Variants in MSL2 observed in about 807,000 individuals in gnomAD.
MSL2 encodes MSL complex subunit 2.
MSL2 carries 2 observed loss-of-function variants against 35.8 expected under a neutral mutation model. The observed-to-expected ratio is 0.06, with a 90% CI of 0.02 to 0.18. The LOEUF is 0.18. MSL2 is among the 10% of genes least tolerant of loss of function. MSL2 has a pLI of 1.00. For synonymous variants in MSL2, 296 were observed against 255.7 expected (o/e 1.16, Z -1.50); for missense variants, 523 against 706.7 (o/e 0.74, Z 2.95).
chr3:136,183,085 T>C (rs1344042351), intron 1 of MSL2, among the ~76,000 whole-genome samples: 2 of 151,916 alleles, frequency 1.3e-5, no homozygotes, highest in African/African-American at 4.8e-5. Flanking sequence ...ATATTTGTAG[T>C]ACAAAAATAT....
chr3:136,177,722 A>G (rs1265096996), intron 1 of MSL2, among the ~76,000 whole-genome samples: 2 of 150,194 alleles, frequency 1.3e-5, no homozygotes, highest in Admixed American at 1.3e-4. Flanking sequence ...AAAGTGTAAT[A>G]TTTTGACCAC....
At chr3:136,180,757 G>A (rs1391137317) in intron 1 of MSL2, among the ~76,000 whole-genome samples, 2 of 81,170 alleles carry the variant, frequency 2.5e-5, no homozygotes, top group African/African-American at 9.6e-5. Context: ...AGGGAAGGAG[G>A]GAAGGAGGGA....
At position 136,195,831 on chromosome 3, in the gene MSL2, G is replaced by A; in HGVS notation, c.-718C>T. On this transcript the variant is annotated 5_prime_UTR_variant, in exon 1 of 2. Coordinates refer to ENST00000309993, the MANE Select transcript of MSL2 (RefSeq NM_018133.4). Reference sequence around the variant, plus strand: ...GGGAGTCCTCAACCCGGAGGGGAAGGCCGGGGAGGAAGTGCGCGGGCCGCC... The same window carrying A: ...GGGAGTCCTCAACCCGGAGGGGAAGACCGGGGAGGAAGTGCGCGGGCCGCC... 1.0e-6 allele frequency: 1 copy of A among 984,742 alleles called. No individual in the cohort carries two copies. The highest frequency in any genetic ancestry group is 1.2e-6 in the Non-Finnish European group (1 of 829,668). 61.0% of individuals were successfully genotyped at this position (984,742 alleles called of 1,614,324 possible).
At chr3:136,180,478 G>C (rs984675771) in intron 1 of MSL2, among the ~76,000 whole-genome samples, 1 of 151,800 alleles carries the variant, frequency 6.6e-6, no homozygotes, top group Non-Finnish European at 1.5e-5. Flanking sequence ...GAGGTGGGCA[G>C]ATCACGAGAT....
chr3:136,169,015 T>A (rs1020549557), intron 1 of MSL2, among the ~76,000 whole-genome samples: 1 of 151,998 alleles, frequency 6.6e-6, no homozygotes. Flanking sequence ...CACACGGCTG[T>A]GAGGCTCTTG....
chr3:136,162,102 TTAA>T (rs1431607934), intron 1 of MSL2, among the ~76,000 whole-genome samples: 2 of 151,550 alleles, frequency 1.3e-5, no homozygotes, highest in Non-Finnish European at 2.9e-5. Context: ...CCACGCCTGG[TTAA>T]TTTTTTATTT....
chr3:136,151,895 G>A lies in MSL2; in HGVS notation c.986C>T (p.Thr329Ile). ...TSPALHGLSC[T>I]AATPKIAKLN... ...TTTTGCTATCTTCGGAGTTGCTGCT[G>A]TACATGATAACCCATGAAGTGCAGG... Residue 329 changes from threonine (T) to isoleucine (I), a missense_variant, in exon 2 of 2, where the codon ACA becomes ATA. Coordinates refer to ENST00000309993, the MANE Select transcript of MSL2 (RefSeq NM_018133.4). This position sits in a 1 kb window ranked among gnomAD's most constrained non-coding sequence, Gnocchi z 5.2. 1 of 1,614,186 alleles carries A rather than the reference G, an allele frequency of 6.2e-7. No homozygotes were observed. Among genetic ancestry groups the A allele is most frequent in the South Asian group, 1.1e-5 (1 of 91,076 alleles).
Position 136,151,159 on chromosome 3 carries a change from T to G in MSL2, c.1722A>C (p.Arg574Ser). The change falls in exon 2 of 2, where the codon AGA (arginine) becomes AGC (serine). Residue 574 changes from arginine (R) to serine (S), a missense_variant. Coordinates refer to ENST00000309993, the MANE Select transcript of MSL2 (RefSeq NM_018133.4). This position sits in a 1 kb window ranked among gnomAD's most constrained non-coding sequence, Gnocchi z 5.2. ...DKSLDEAIDM[R>S]FDC ...AAGACCCACTGATTTAACAGTCGAA[T>G]CTCATGTCTATAGCTTCATCCAAAC... The G allele has an allele frequency of 6.2e-7, 1 of 1,610,536 alleles. No homozygotes were observed.
chr3:136,180,763 AGGGAGGGAGGGAGGGAGG>A (rs1559969129), intron 1 of MSL2, among the ~76,000 whole-genome samples: 11 of 28,856 alleles, frequency 3.8e-4, no homozygotes, highest in African/African-American at 1.3e-3. Flanking sequence ...GGAGGGAAGG[AGGGAGGGAGGGAGGGAGG>A]GAGGGAGGGA....
intron 1 of MSL2, among the ~76,000 whole-genome samples, chr3:136,185,411 A>G (rs1333054334): frequency 6.6e-6 from 1 of 152,222 alleles, no homozygotes; most frequent in African/African-American, 2.4e-5. Flanking sequence ...TCATCATAGA[A>G]GATAACTTCA....
intron 1 of MSL2, among the ~76,000 whole-genome samples, chr3:136,181,980 AG>A (rs1559969945): frequency 6.6e-6 from 1 of 151,912 alleles, no homozygotes; most frequent in African/African-American, 2.4e-5. Flanking sequence ...CGTGGGCTGA[AG>A]AAAAAAAAAT....
chr3:136,166,457 T>G (rs1235298214), intron 1 of MSL2, among the ~76,000 whole-genome samples: 1 of 152,000 alleles, frequency 6.6e-6, no homozygotes, highest in African/African-American at 2.4e-5. Flanking sequence ...AAAAAAAAAT[T>G]TGTTAAGTAA....
intron 1 of MSL2, among the ~76,000 whole-genome samples, chr3:136,182,903 G>A (rs1940409256): frequency 6.6e-6 from 1 of 152,152 alleles, no homozygotes; most frequent in Admixed American, 6.5e-5. Flanking sequence ...CCCAAAGTGA[G>A]AATCTCACAA....
chr3:136,160,259 GAGAA>G (rs963936432), intron 1 of MSL2, among the ~76,000 whole-genome samples: 1 of 120,472 alleles, frequency 8.3e-6, no homozygotes, highest in African/African-American at 3.1e-5. Context: ...TTGGGCGACA[GAGAA>G]AGACTCTGTC....
At chr3:136,186,028 TACCACA>T (rs1940512760) in intron 1 of MSL2, among the ~76,000 whole-genome samples, 1 of 152,200 alleles carries the variant, frequency 6.6e-6, no homozygotes, top group African/African-American at 2.4e-5. Flanking sequence ...TTAGCTCAAT[TACCACA>T]ACCATATCGC....
intron 1 of MSL2, among the ~76,000 whole-genome samples, chr3:136,184,007 T>C (rs927017709): frequency 2.0e-5 from 3 of 152,200 alleles, no homozygotes; most frequent in Non-Finnish European, 4.4e-5. Context: ...TAGAATTCTA[T>C]GGTCCTGGCC....
chr3:136,158,141 A>G (rs1559958576), intron 1 of MSL2, among the ~76,000 whole-genome samples: 1 of 151,960 alleles, frequency 6.6e-6, no homozygotes, highest in Non-Finnish European at 1.5e-5. Context: ...GAGAAACCCC[A>G]TCTCTACTAA....
intron 1 of MSL2, among the ~76,000 whole-genome samples, chr3:136,183,653 T>C (rs1272885526): frequency 2.6e-5 from 4 of 152,166 alleles, no homozygotes; most frequent in Non-Finnish European, 4.4e-5. Flanking sequence ...ATCAAAGTTA[T>C]TAAAATGGTA....
intron 1 of MSL2, among the ~76,000 whole-genome samples, chr3:136,189,293 T>C (rs1380106450): frequency 2.8e-5 from 4 of 142,864 alleles, no homozygotes; most frequent in East Asian, 4.1e-4. Context: ...AACAAGACCC[T>C]GTCTCGAGAA....
Sources: allele counts gnomAD v4.1 joint callset (sites outside exome capture counted in the v4.1 genomes callset), GRCh38; gene constraint gnomAD v4.1.1; non-coding constraint Gnocchi (gnomAD v3.1); transcripts MANE v1.5; gene names NCBI Gene and HGNC (gene_info 2026-07-23, HGNC 2026-07-21).